TET1: variants seen among roughly 807,000 people sequenced by gnomAD.
The protein encoded by TET1 is methylcytosine dioxygenase TET1.
In TET1, 13 loss-of-function variants were observed where a neutral mutation model predicts 148.7. The ratio of observed to expected loss-of-function variants is 0.09; its 90% CI spans 0.06 to 0.14. The LOEUF is 0.14. Among genes scored for constraint, TET1 ranks in the 10% least tolerant of loss-of-function variants. TET1 has a pLI of 1.00. For synonymous variants in TET1, 907 were observed against 937.2 expected (o/e 0.97, Z 0.59); for missense variants, 2,182 against 2,553.8 (o/e 0.85, Z 3.14).
chr10:68,607,427 TTTG>T (rs2054141086), intron 3 of TET1, among the ~76,000 whole-genome samples: 1 of 152,010 alleles, frequency 6.6e-6, no homozygotes, highest in African/African-American at 2.4e-5. Context: ...TTTTGTTTTT[TTTG>T]TTTGTTTGTT....
At chr10:68,690,774 T>C in intron 11 of TET1, 34 bp from the exon 12 acceptor site, 1 of 1,526,302 alleles carries the variant, frequency 6.6e-7, no homozygotes, top group Non-Finnish European at 8.8e-7. Flanking sequence ...AAAAGTAATT[T>C]GTATTTTTCT....
At position 68,681,383 on chromosome 10, in the gene TET1, TTC is replaced by T. The variant is rs1732152068; in HGVS notation, c.4825-14_4825-13del. The stretch of plus-strand genomic sequence containing the variant: ...GTGCGATTATAAAATACCTAATGGA[TTC>T]TGTTTTCCTATAGGAAAAAAACCTT... On this transcript the variant is annotated splice_polypyrimidine_tract_variant and intron_variant, in intron 8 of 11. Coordinates refer to ENST00000373644, the MANE Select transcript of TET1 (RefSeq NM_030625.3). 6 of 1,564,064 alleles carry T rather than the reference TTC, an allele frequency of 3.8e-6. No homozygotes were observed. The highest frequency in any genetic ancestry group is 4.4e-6 in the Non-Finnish European group (5 of 1,136,456).
intron 3 of TET1, among the ~76,000 whole-genome samples, chr10:68,606,964 C>G (rs1354728271): frequency 6.6e-6 from 1 of 152,116 alleles, no homozygotes; most frequent in Non-Finnish European, 1.5e-5. Context: ...AGCATTTTGC[C>G]TGGAGATCAG....
intron 3 of TET1, among the ~76,000 whole-genome samples, chr10:68,618,636 C>T (rs1026638802): frequency 2.6e-5 from 4 of 152,020 alleles, no homozygotes; most frequent in African/African-American, 9.7e-5. Flanking sequence ...CAGAAAATGC[C>T]CTTCAGGTCA....
At chr10:68,660,099 A>G (rs1459099522) in intron 6 of TET1, among the ~76,000 whole-genome samples, 2 of 152,156 alleles carry the variant, frequency 1.3e-5, no homozygotes, top group African/African-American at 4.8e-5. Flanking sequence ...ACTTGACATG[A>G]ATGTTGCTCC....
chr10:68,629,464 A>G (rs1260076284), intron 3 of TET1, among the ~76,000 whole-genome samples: 2 of 152,010 alleles, frequency 1.3e-5, no homozygotes, highest in Non-Finnish European at 2.9e-5. Flanking sequence ...ATAATCAGAT[A>G]TTTAGCTTGT....
chr10:68,586,382 TG>T (rs1470920425), intron 2 of TET1, among the ~76,000 whole-genome samples: 5 of 152,056 alleles, frequency 3.3e-5, no homozygotes, highest in Non-Finnish European at 7.4e-5. Context: ...TTCACCATGT[TG>T]GTCAGGCTGG....
intron 3 of TET1, among the ~76,000 whole-genome samples, chr10:68,612,379 C>G (rs144964535): frequency 6.6e-6 from 1 of 151,874 alleles, no homozygotes; most frequent in Non-Finnish European, 1.5e-5. Flanking sequence ...CATGAGCCAC[C>G]GGGCCCGGCC....
chr10:68,689,428 C>G (rs545612874), intron 11 of TET1, among the ~76,000 whole-genome samples: 1 of 152,258 alleles, frequency 6.6e-6, no homozygotes, highest in East Asian at 1.9e-4. Flanking sequence ...AGGGGCTAGG[C>G]GTGGTGGCTC....
At chr10:68,639,449 TACTAC>T (rs2133059810) in intron 3 of TET1, among the ~76,000 whole-genome samples, 1 of 132,470 alleles carries the variant, frequency 7.5e-6, no homozygotes, top group Non-Finnish European at 1.7e-5. Flanking sequence ...TTATTATTAC[TACTAC>T]TACTACTACT....
chr10:68,596,027 C>T (rs7080413), intron 2 of TET1, among the ~76,000 whole-genome samples: 5,465 of 61,188 alleles, frequency 0.089, 606 homozygotes, highest in African/African-American at 0.24. Context: ...CACACACACA[C>T]ATATATATAT....
chr10:68,613,327 AT>A (rs60198953), intron 3 of TET1, among the ~76,000 whole-genome samples: 2,284 of 152,288 alleles, frequency 0.015, 47 homozygotes, highest in African/African-American at 0.052. Flanking sequence ...TTGTAAAAAA[AT>A]CTTTTGATTT....
chr10:68,689,108 T>C lies in TET1; in HGVS notation c.5405-1700T>C, dbSNP rs1481710442. ...TTCTACCCCTCAGTCATTTAGTCTT[T>C]CCTTCCCATCATTTACCTTCTGTGG... On this transcript the variant is annotated intron_variant, in intron 11 of 11. Transcript: ENST00000373644. Among the ~76,000 whole-genome samples the C allele has an allele frequency of 3.9e-5, 6 of 152,340 alleles. No individual in the cohort carries two copies. The East Asian group carries it at 1.2e-3, about 29-fold the overall frequency.
chr10:68,668,449 A>G (rs1247531632), intron 7 of TET1, among the ~76,000 whole-genome samples: 1 of 152,264 alleles, frequency 6.6e-6, no homozygotes, highest in African/African-American at 2.4e-5. Flanking sequence ...ATCAGTTTCT[A>G]ACAGCCTGTT....
At chr10:68,606,956 C>G (rs533795826) in intron 3 of TET1, among the ~76,000 whole-genome samples, 65 of 152,232 alleles carry the variant, frequency 4.3e-4, no homozygotes, top group African/African-American at 1.3e-3. Context: ...TGTAATACAG[C>G]ATTTTGCCTG....
chr10:68,587,284 A>G (rs944828881), intron 2 of TET1, among the ~76,000 whole-genome samples: 2 of 152,196 alleles, frequency 1.3e-5, no homozygotes, highest in African/African-American at 4.8e-5. Flanking sequence ...AGGGACGAGG[A>G]AGTGGGAGGA....
At chr10:68,602,741 A>G (rs1183948705) in intron 3 of TET1, among the ~76,000 whole-genome samples, 3 of 152,224 alleles carry the variant, frequency 2.0e-5, no homozygotes, top group Non-Finnish European at 4.4e-5. Context: ...AACAGCAAGC[A>G]GAACCAAATT....
At chr10:68,669,474 C>CTTTT (rs3085667) in intron 7 of TET1, among the ~76,000 whole-genome samples, 1,399 of 61,580 alleles carry the variant, frequency 0.023, 68 homozygotes, top group African/African-American at 0.07. Context: ...CCATGCCCAG[C>CTTTT]TTTTTTTTTT....
chr10:68,588,052 G>A (rs2132832042), intron 2 of TET1, among the ~76,000 whole-genome samples: 1 of 152,180 alleles, frequency 6.6e-6, no homozygotes, highest in Non-Finnish European at 1.5e-5. Flanking sequence ...TAGTAGAGGT[G>A]GGGTTTCACC....
Sources: gnomAD v4.1 joint callset for allele counts (sites outside exome capture counted in the v4.1 genomes callset) on GRCh38, gnomAD v4.1.1 for gene constraint, MANE v1.5 for transcripts, NCBI Gene and HGNC (gene_info 2026-07-23, HGNC 2026-07-21) for gene names.